CSMD1: variants seen among roughly 807,000 people sequenced by gnomAD.
The protein encoded by CSMD1 is CUB and Sushi multiple domains 1, also known as CUB and sushi domain-containing protein 1.
CSMD1 carries 213 observed loss-of-function variants against 417.5 expected under a neutral mutation model. The observed-to-expected ratio is 0.51, with a 90% CI of 0.46 to 0.57. The LOEUF is 0.57. Ranked by LOEUF, CSMD1 falls within the 20% of genes least tolerant of loss-of-function variation. The pLI is 0.00. For synonymous variants in CSMD1, 2,862 were observed against 1,736.8 expected (o/e 1.65, Z -16.11); for missense variants, 6,923 against 4,529.7 (o/e 1.53, Z -15.17).
intron 1 of CSMD1, among the ~76,000 whole-genome samples, chr8:4,724,581 T>C (rs1036019060): frequency 6.6e-6 from 1 of 151,062 alleles, no homozygotes; most frequent in Non-Finnish European, 1.5e-5. Flanking sequence ...CCCAGTGAAA[T>C]TCTGTTGAAG....
chr8:4,277,097 T>C (rs902422001), intron 3 of CSMD1, among the ~76,000 whole-genome samples: 3 of 152,114 alleles, frequency 2.0e-5, no homozygotes, highest in Middle Eastern at 3.2e-3. Flanking sequence ...GCATGTAACT[T>C]TTCTGCCAAT....
At chr8:3,924,384 GC>G (rs2129145613) in intron 5 of CSMD1, among the ~76,000 whole-genome samples, 1 of 152,178 alleles carries the variant, frequency 6.6e-6, no homozygotes, top group East Asian at 1.9e-4. Context: ...AATTCATTGG[GC>G]TTCATATACC....
intron 3 of CSMD1, among the ~76,000 whole-genome samples, chr8:4,284,561 G>A (rs1235701792): frequency 2.0e-5 from 3 of 152,260 alleles, no homozygotes; most frequent in South Asian, 2.1e-4. Context: ...CAGCCCCAAC[G>A]TTTATTGGGC....
chr8:4,277,331 T>C (rs1620288), intron 3 of CSMD1, among the ~76,000 whole-genome samples: 7,261 of 152,190 alleles, frequency 0.048, 280 homozygotes, highest in South Asian at 0.16. Flanking sequence ...TGACTTCCCT[T>C]GGATTTCTGA....
At chr8:4,150,374 G>C (rs1186760123) in intron 3 of CSMD1, among the ~76,000 whole-genome samples, 3 of 152,122 alleles carry the variant, frequency 2.0e-5, no homozygotes, top group African/African-American at 4.8e-5. Context: ...GCTGTCTTTT[G>C]TGCCTGGCTA....
At position 4,698,424 on chromosome 8, in the gene CSMD1, A is replaced by G. The variant is rs571249055; in HGVS notation, c.86-60866T>C. Among the ~76,000 whole-genome samples the G allele has an allele frequency of 3.9e-5, 6 of 152,236 alleles. 1 individual carries two copies. In the South Asian group the frequency reaches 8.3e-4, roughly 21 times the overall value. On this transcript the variant is annotated intron_variant, in intron 1 of 69. Transcript: ENST00000635120. ...ACCTCCAAAGCTCTGTTCTGCATAAAACAGGCTTGGTGTGATTCGCAAACT... is the reference window on the plus strand; with the variant it reads ...ACCTCCAAAGCTCTGTTCTGCATAAGACAGGCTTGGTGTGATTCGCAAACT...
At chr8:3,327,304 G>A (rs113142885) in intron 23 of CSMD1, among the ~76,000 whole-genome samples, 5 of 151,950 alleles carry the variant, frequency 3.3e-5, no homozygotes, top group African/African-American at 9.7e-5. Flanking sequence ...CACCACATCT[G>A]GCTAATTTTT....
intron 2 of CSMD1, among the ~76,000 whole-genome samples, chr8:4,491,887 T>G (rs1276051873): frequency 6.6e-6 from 1 of 152,186 alleles, no homozygotes; most frequent in Non-Finnish European, 1.5e-5. Flanking sequence ...GTAAATGAGT[T>G]GAAAAGTTAT....
intron 2 of CSMD1, among the ~76,000 whole-genome samples, chr8:4,474,137 T>C (rs1800676476): frequency 6.6e-6 from 1 of 152,120 alleles, no homozygotes; most frequent in African/African-American, 2.4e-5. Flanking sequence ...AATGATAAAT[T>C]TGCCTGCCTT....
chr8:3,812,476 G>A (rs1350286387), intron 5 of CSMD1, among the ~76,000 whole-genome samples: 1 of 152,166 alleles, frequency 6.6e-6, no homozygotes, highest in African/African-American at 2.4e-5. Flanking sequence ...CGATCCCCTT[G>A]AAATGGTCCA....
chr8:4,294,608 G>A (rs1313028716), intron 3 of CSMD1, among the ~76,000 whole-genome samples: 4 of 152,076 alleles, frequency 2.6e-5, no homozygotes, highest in African/African-American at 4.8e-5. Flanking sequence ...AAGGACTACA[G>A]ACCCTGAACA....
At chr8:3,503,741 G>C (rs898121171) in intron 10 of CSMD1, among the ~76,000 whole-genome samples, 4 of 152,136 alleles carry the variant, frequency 2.6e-5, no homozygotes, top group Admixed American at 6.5e-5. Context: ...ACCTGGCTTA[G>C]TTTTCCCTGT....
intron 10 of CSMD1, among the ~76,000 whole-genome samples, chr8:3,567,077 T>C (rs1799745684): frequency 6.6e-6 from 1 of 152,238 alleles, no homozygotes. Flanking sequence ...ATGTATACCA[T>C]GGAATACTAT....
At chr8:4,241,617 G>A (rs1585082165) in intron 3 of CSMD1, among the ~76,000 whole-genome samples, 1 of 152,114 alleles carries the variant, frequency 6.6e-6, no homozygotes, top group East Asian at 1.9e-4. Flanking sequence ...GGATTTCTAT[G>A]TAGAGGAGAA....
intron 5 of CSMD1, among the ~76,000 whole-genome samples, chr8:3,831,738 A>G (rs1379650778): frequency 6.6e-6 from 1 of 152,184 alleles, no homozygotes; most frequent in Non-Finnish European, 1.5e-5. Context: ...GTTTCCAAAT[A>G]CAGTTCTCGG....
intron 7 of CSMD1, among the ~76,000 whole-genome samples, chr8:3,654,119 G>T (rs563954134): frequency 6.6e-6 from 1 of 152,146 alleles, no homozygotes; most frequent in Non-Finnish European, 1.5e-5. Flanking sequence ...AGGAAACAGT[G>T]TAACCACCCC....
At chr8:3,745,915 G>T (rs1342117102) in intron 6 of CSMD1, among the ~76,000 whole-genome samples, 1 of 152,166 alleles carries the variant, frequency 6.6e-6, no homozygotes, top group Non-Finnish European at 1.5e-5. Flanking sequence ...TCGCCAACCT[G>T]GTCACAGCAG....
At chr8:3,585,994 C>T in intron 9 of CSMD1, 142 bp downstream of exon 9, 3 of 825,058 alleles carry the variant, frequency 3.6e-6, no homozygotes, top group Non-Finnish European at 3.6e-6. Context: ...TCTGTTATTA[C>T]CCACATCACT....
intron 10 of CSMD1, among the ~76,000 whole-genome samples, chr8:3,501,469 G>C (rs1369492286): frequency 3.3e-5 from 5 of 152,122 alleles, no homozygotes; most frequent in Non-Finnish European, 5.9e-5. Context: ...CCAAGATTTA[G>C]AACTGACAGC....
Sources: gnomAD v4.1 joint callset for allele counts (sites outside exome capture counted in the v4.1 genomes callset) on GRCh38, gnomAD v4.1.1 for gene constraint, MANE v1.5 for transcripts, NCBI Gene and HGNC (gene_info 2026-07-23, HGNC 2026-07-21) for gene names.